Variants in MS4A4E observed in about 807,000 individuals in gnomAD.
MS4A4E encodes the protein membrane spanning 4-domains A4E.
Under a neutral mutation model 13.3 loss-of-function variants are expected in MS4A4E, and 23 were observed. That is an observed-to-expected ratio of 1.73 (90% CI 1.25 to 2.45). The LOEUF is 2.45. MS4A4E is among the 30% of genes most tolerant of loss of function. The pLI is 0.00. For synonymous variants in MS4A4E, 36 were observed against 45.6 expected (o/e 0.79, Z 0.85); for missense variants, 144 against 131.2 (o/e 1.10, Z -0.48).
Position 60,220,984 on chromosome 11 carries a change from G to T in MS4A4E, c.179-6370C>A, listed in dbSNP as rs184371651. Reference sequence around the variant, plus strand: ...GCTCTGTCACTTGGGCCATAGAACAGAGCAGATCTAATTGTGCTTGAGGTG... The same window carrying T: ...GCTCTGTCACTTGGGCCATAGAACATAGCAGATCTAATTGTGCTTGAGGTG... On this transcript the variant is annotated intron_variant, in intron 3 of 8. Transcript: ENST00000651255. 5.3e-5 allele frequency among the ~76,000 whole-genome samples: 8 copies of T among 152,340 alleles called. No individual in the cohort carries two copies. In the East Asian group the frequency reaches 1.5e-3, roughly 29 times the overall value.
At chr11:60,231,807 T>C (rs1056528343) in intron 1 of MS4A4E, among the ~76,000 whole-genome samples, 4 of 152,274 alleles carry the variant, frequency 2.6e-5, no homozygotes, top group African/African-American at 9.6e-5. Flanking sequence ...AGTCTCTGAA[T>C]AAGTCTTACA....
chr11:60,216,733 T>C (rs957824542), intron 3 of MS4A4E, among the ~76,000 whole-genome samples: 1 of 152,082 alleles, frequency 6.6e-6, no homozygotes, highest in Non-Finnish European at 1.5e-5. Flanking sequence ...TGCAAAGTAT[T>C]GTTCCTGGGT....
chr11:60,240,616 CTTTTTAT>C (rs1476029485), intron 1 of MS4A4E, among the ~76,000 whole-genome samples: 1 of 152,106 alleles, frequency 6.6e-6, no homozygotes, highest in East Asian at 1.9e-4. Flanking sequence ...TGAATTTCTC[CTTTTTAT>C]TTTTTAAAGC....
chr11:60,235,992 A>C (rs2084478049), intron 1 of MS4A4E, among the ~76,000 whole-genome samples: 1 of 152,182 alleles, frequency 6.6e-6, no homozygotes, highest in Admixed American at 6.5e-5. Flanking sequence ...GTGAATCTGA[A>C]GTTGTTCAAA....
chr11:60,215,726 A>C (rs2084184175), intron 3 of MS4A4E, among the ~76,000 whole-genome samples: 1 of 152,044 alleles, frequency 6.6e-6, no homozygotes, highest in Non-Finnish European at 1.5e-5. Flanking sequence ...ATATAAGAAA[A>C]ATAGTTGAAA....
intron 5 of MS4A4E, among the ~76,000 whole-genome samples, chr11:60,210,391 G>A (rs2084105114): frequency 6.6e-6 from 1 of 152,154 alleles, no homozygotes; most frequent in South Asian, 2.1e-4. Context: ...TGGACTCTGG[G>A]AAAGGTGACT....
rs186955483 is a variant in MS4A4E at position 60,214,156 on chromosome 11, T to G, written c.222+415A>C. Among the ~76,000 whole-genome samples, 587 of 152,288 alleles carry G rather than the reference T, an allele frequency of 3.9e-3. 3 individuals carry two copies. The highest frequency in any genetic ancestry group is 6.8e-3 in the Non-Finnish European group (463 of 68,026). On this transcript the variant is annotated intron_variant, in intron 4 of 8. Coordinates refer to ENST00000651255, the MANE Select transcript of MS4A4E (RefSeq NM_001393391.1). The stretch of plus-strand genomic sequence containing the variant: ...CCTGACTTCAAATGATCCACTCACC[T>G]AGGCCTCCCAAAGTCTTAGGATTAC...
chr11:60,235,144 G>T (rs1468682922), intron 1 of MS4A4E, among the ~76,000 whole-genome samples: 1 of 152,018 alleles, frequency 6.6e-6, no homozygotes. Context: ...TTTGAGACAG[G>T]GTCTCACTCT....
intron 3 of MS4A4E, among the ~76,000 whole-genome samples, chr11:60,218,483 T>A (rs555581733): frequency 6.6e-6 from 1 of 152,304 alleles, no homozygotes; most frequent in South Asian, 2.1e-4. Context: ...CCTATCGACA[T>A]GTGATGTCTT....
chr11:60,201,163 G>A lies in MS4A4E; in HGVS notation c.*380C>T, dbSNP rs2083982045. ...GACGGAGCGGCTGGCCGGGTAGAGG[G>A]GCTCCTCACTTCCCAGTAGGGGCGG... On this transcript the variant is annotated 3_prime_UTR_variant, in exon 9 of 9. Transcript: ENST00000651255. 6.8e-6 allele frequency: 1 copy of A among 147,322 alleles called. No individual in the cohort carries two copies. The highest frequency in any genetic ancestry group is 2.6e-5 in the African/African-American group (1 of 38,452). 9.1% of individuals were successfully genotyped at this position (147,322 alleles called of 1,614,324 possible).
intron 5 of MS4A4E, among the ~76,000 whole-genome samples, chr11:60,210,891 G>A (rs894990569): frequency 6.6e-6 from 1 of 152,208 alleles, no homozygotes; most frequent in Non-Finnish European, 1.5e-5. Flanking sequence ...TGGGAAAGGT[G>A]ATTGAGATGA....
At chr11:60,222,611 C>T (rs950044529) in intron 3 of MS4A4E, among the ~76,000 whole-genome samples, 2 of 152,204 alleles carry the variant, frequency 1.3e-5, no homozygotes, top group Admixed American at 6.5e-5. Context: ...AGTGGCACCA[C>T]TTACCATCAC....
chr11:60,236,493 C>T (rs938786964), intron 1 of MS4A4E, among the ~76,000 whole-genome samples: 6 of 151,406 alleles, frequency 4.0e-5, no homozygotes, highest in Non-Finnish European at 7.4e-5. Flanking sequence ...TTGTAGTATT[C>T]GATGTACAAG....
intron 3 of MS4A4E, chr11:60,225,070 C>T (rs967788566): frequency 1.3e-6 from 2 of 1,558,486 alleles, no homozygotes; most frequent in African/African-American, 1.4e-5. Context: ...TAAGGCTCAT[C>T]AAGGCAATCA....
At chr11:60,217,859 T>C (rs570948065) in intron 3 of MS4A4E, among the ~76,000 whole-genome samples, 4 of 152,254 alleles carry the variant, frequency 2.6e-5, no homozygotes, top group Admixed American at 2.0e-4. Context: ...TTGTACAGCA[T>C]GTGTGTTTAA....
intron 5 of MS4A4E, among the ~76,000 whole-genome samples, chr11:60,212,177 T>A (rs75663794): frequency 0.01 from 1,534 of 152,286 alleles, 11 homozygotes; most frequent in Non-Finnish European, 0.017. Flanking sequence ...ATTTTTCAGG[T>A]GCCACATGTT....
chr11:60,226,279 T>G (rs1460326752), intron 3 of MS4A4E, among the ~76,000 whole-genome samples: 1 of 151,976 alleles, frequency 6.6e-6, no homozygotes. Context: ...CCCTAACTCA[T>G]TCTATGGAGC....
At chr11:60,211,359 T>C (rs1259937600) in intron 5 of MS4A4E, among the ~76,000 whole-genome samples, 1 of 152,212 alleles carries the variant, frequency 6.6e-6, no homozygotes, top group Non-Finnish European at 1.5e-5. Flanking sequence ...GTAAATTAGT[T>C]TCGCAAAGAC....
At chr11:60,225,173 T>A (rs1590720513) in intron 3 of MS4A4E, 1 of 1,306,618 alleles carries the variant, frequency 7.7e-7, no homozygotes, top group East Asian at 2.6e-5. Context: ...CACTAAGCTA[T>A]CCTTATTCTT....
Sources: allele counts gnomAD v4.1 joint callset (sites outside exome capture counted in the v4.1 genomes callset), GRCh38; gene constraint gnomAD v4.1.1; transcripts MANE v1.5; gene names NCBI Gene and HGNC (gene_info 2026-07-23, HGNC 2026-07-21).